Variants in DOCK3 observed in about 807,000 individuals in gnomAD.
DOCK3 encodes dedicator of cytokinesis 3.
A neutral mutation model predicts 265.6 loss-of-function variants in DOCK3; 60 were observed. That is an observed-to-expected ratio of 0.23 (90% CI 0.18 to 0.28). The LOEUF (loss-of-function observed/expected upper bound fraction) is 0.28, where lower values mean the gene tolerates loss of function less well. Among genes scored for constraint, DOCK3 ranks in the 10% least tolerant of loss-of-function variants. The pLI is 1.00. For synonymous variants in DOCK3, 881 were observed against 938.0 expected, an observed-to-expected ratio of 0.94 and a Z score of 1.11; for missense variants, 1,981 against 2,594.3, an observed-to-expected ratio of 0.76 and a Z score of 5.14.
At chr3:51,309,618 G>GGAGAGCGAGAGCGAGAGCGAGAGC (rs71084141) in intron 27 of DOCK3, among the ~76,000 whole-genome samples, 9 of 150,648 alleles carry the variant, frequency 6.0e-5, no homozygotes, top group South Asian at 2.1e-4. Flanking sequence ...AGAGGGAGAG[G>GGAGAGCGAGAGCGAGAGCGAGAGC]GAGAGCGAGA....
intron 26 of DOCK3, 108 bp downstream of exon 26, chr3:51,277,862 T>A: frequency 1.3e-6 from 2 of 1,533,412 alleles, no homozygotes; most frequent in East Asian, 2.5e-5. Context: ...CAGCCTTCCC[T>A]CCTGCATGGT....
At position 50,847,882 on chromosome 3, in the gene DOCK3, C is replaced by A. The variant is rs762084208; in HGVS notation, c.162+6167C>A. On this transcript the variant is annotated intron_variant, in intron 3 of 52. Transcript: ENST00000266037. The stretch of plus-strand genomic sequence containing the variant: ...TGGGTGACAGAACGAGGCTCCATTT[C>A]AAAAAAAAAAAAAAAAAAAAATCCC... 7.9e-3 allele frequency among the ~76,000 whole-genome samples: 772 copies of A among 97,612 alleles called. 17 individuals are homozygous for A. The highest frequency in any genetic ancestry group is 0.024 in the African/African-American group (573 of 23,798). 64.0% of individuals were successfully genotyped at this position (97,612 alleles called of 152,430 possible).
At chr3:50,901,631 G>A in intron 4 of DOCK3, 1 of 453,918 alleles carries the variant, frequency 2.2e-6, no homozygotes, top group Non-Finnish European at 4.4e-6. Context: ...CTGGTGTGTG[G>A]ATTGCGAGGA....
chr3:50,804,073 G>T (rs964139270), intron 2 of DOCK3, among the ~76,000 whole-genome samples: 1 of 151,580 alleles, frequency 6.6e-6, no homozygotes, highest in Non-Finnish European at 1.5e-5. Context: ...GGTCGCGGCC[G>T]GGCAGAGGCG....
chr3:51,234,627 G>A (rs1175769757), intron 19 of DOCK3, among the ~76,000 whole-genome samples: 2 of 152,150 alleles, frequency 1.3e-5, no homozygotes, highest in African/African-American at 4.8e-5. Flanking sequence ...CTGATTTTAA[G>A]AACTCTAAAT....
At chr3:50,759,770 A>G (rs1031209147) in intron 1 of DOCK3, among the ~76,000 whole-genome samples, 19 of 150,624 alleles carry the variant, frequency 1.3e-4, no homozygotes, top group African/African-American at 4.6e-4. Flanking sequence ...AGGTGGGAGT[A>G]TTGCCTGAGC....
chr3:51,168,245 A>G (rs1447571729), intron 12 of DOCK3, among the ~76,000 whole-genome samples: 1 of 152,226 alleles, frequency 6.6e-6, no homozygotes, highest in Non-Finnish European at 1.5e-5. Flanking sequence ...AAACTATTTT[A>G]AAACTCACAT....
At chr3:50,881,781 G>C (rs1017196310) in intron 3 of DOCK3, among the ~76,000 whole-genome samples, 3 of 152,046 alleles carry the variant, frequency 2.0e-5, no homozygotes, top group Non-Finnish European at 4.4e-5. Flanking sequence ...AGTTTATATG[G>C]AACCAAAAAG....
chr3:51,206,629 G>A (rs1378350322), intron 12 of DOCK3, among the ~76,000 whole-genome samples: 1 of 152,032 alleles, frequency 6.6e-6, no homozygotes, highest in Non-Finnish European at 1.5e-5. Flanking sequence ...AGTCTTTGTA[G>A]GCTTTTTCAA....
intron 6 of DOCK3, among the ~76,000 whole-genome samples, chr3:51,068,007 CAT>C (rs375223714): frequency 3.7e-4 from 57 of 152,260 alleles, no homozygotes; most frequent in African/African-American, 1.1e-3. Context: ...AAGTTTAGCA[CAT>C]GTTAGCATGT....
chr3:50,906,441 G>A (rs1423131335), intron 4 of DOCK3, among the ~76,000 whole-genome samples: 1 of 151,926 alleles, frequency 6.6e-6, no homozygotes, highest in Admixed American at 6.6e-5. Flanking sequence ...CAATTTCAGA[G>A]CCTGTTATTC....
chr3:51,126,762 ATTTCT>A (rs1351741991), intron 9 of DOCK3, among the ~76,000 whole-genome samples: 6 of 152,064 alleles, frequency 3.9e-5, no homozygotes, highest in African/African-American at 1.4e-4. Flanking sequence ...TAAGTACGTG[ATTTCT>A]TTTTTTAACA....
intron 14 of DOCK3, among the ~76,000 whole-genome samples, chr3:51,220,732 TAA>T (rs1560232478): frequency 2.8e-5 from 4 of 144,552 alleles, no homozygotes; most frequent in South Asian, 2.2e-4. Context: ...TATATATATA[TAA>T]AATACTTGAA....
intron 31 of DOCK3, 137 bp downstream of exon 31, chr3:51,313,039 C>A: frequency 1.3e-6 from 1 of 789,190 alleles, no homozygotes; most frequent in Non-Finnish European, 2.1e-6. Flanking sequence ...CACATAACAC[C>A]TCAGATGGAT....
At chr3:50,837,944 G>A (rs1019640299) in intron 2 of DOCK3, among the ~76,000 whole-genome samples, 12 of 152,306 alleles carry the variant, frequency 7.9e-5, no homozygotes, top group Non-Finnish European at 1.5e-4. Flanking sequence ...GTTGAGATCA[G>A]CAGAGGCTCT....
rs961123658 is a variant in DOCK3, at chr3:51,064,379, TTC to T, written c.316-65_316-64del. 3.8e-5 allele frequency: 60 copies of T among 1,578,172 alleles called. No individual in the cohort carries two copies. The Admixed American group carries it at 6.7e-4, about 18-fold the overall frequency. Reference sequence around the variant, plus strand: ...TGAGCACTTTTCATAGTTTAACTATTTCTCTTTTTCTTTTCATTCCTTTTCCA... The same window carrying T: ...TGAGCACTTTTCATAGTTTAACTATTTCTTTTTCTTTTCATTCCTTTTCCA... On this transcript the variant is annotated intron_variant, in intron 5 of 52. Transcript: ENST00000266037.
In DOCK3 at chr3:51,381,367, C is replaced by T. The variant is rs1294730036; in HGVS notation, c.5901C>T (p.Pro1967=). The T allele has an allele frequency of 3.1e-6, 5 of 1,612,830 alleles. No homozygotes were observed. Among genetic ancestry groups the T allele is most frequent in the Non-Finnish European group, 4.2e-6 (5 of 1,179,834 alleles). ...SAPGCVIPQD[P]MDPPALPPKP... ...CAGGGTGCGTCATCCCTCAGGACCC[C>T]ATGGACCCGCCTGCGCTGCCGCCCA... The change falls in exon 53 of 53, where the codon CCC becomes CCT. Residue 1967 remains proline (P), a synonymous_variant. Coordinates refer to ENST00000266037, the MANE Select transcript of DOCK3 (RefSeq NM_004947.5). The surrounding 1 kb of genome is among the most constrained non-coding windows in gnomAD (Gnocchi z 5.6).
intron 27 of DOCK3, among the ~76,000 whole-genome samples, chr3:51,297,919 G>A (rs1011964976): frequency 4.6e-5 from 7 of 151,970 alleles, no homozygotes; most frequent in African/African-American, 1.5e-4. Flanking sequence ...TTCAGGAGTC[G>A]ATGCTACAGT....
chr3:50,717,711 C>T (rs1203024981), intron 1 of DOCK3, among the ~76,000 whole-genome samples: 2 of 152,176 alleles, frequency 1.3e-5, no homozygotes, highest in Non-Finnish European at 2.9e-5. Flanking sequence ...CAACCTCCAC[C>T]TCCCTGGTTC....
Sources: allele counts gnomAD v4.1 joint callset (sites outside exome capture counted in the v4.1 genomes callset), GRCh38; gene constraint gnomAD v4.1.1; non-coding constraint Gnocchi (gnomAD v3.1); transcripts MANE v1.5; gene names NCBI Gene and HGNC (gene_info 2026-07-23, HGNC 2026-07-21).